CTNNA2: variants seen among roughly 807,000 people sequenced by gnomAD.
CTNNA2 encodes catenin alpha-2.
CTNNA2 carries 42 observed loss-of-function variants against 101.0 expected under a neutral mutation model. That is an observed-to-expected ratio of 0.42 (90% CI 0.32 to 0.54). The LOEUF (loss-of-function observed/expected upper bound fraction) is 0.54. CTNNA2 is among the 20% of genes least tolerant of loss of function. The pLI is 0.14. For synonymous variants in CTNNA2, 450 were observed against 456.4 expected (o/e 0.99, Z 0.18); for missense variants, 871 against 1,223.1 (o/e 0.71, Z 4.29).
intron 7 of CTNNA2, among the ~76,000 whole-genome samples, chr2:79,992,465 GTT>G (rs762402648): frequency 6.6e-6 from 1 of 152,130 alleles, no homozygotes; most frequent in Non-Finnish European, 1.5e-5. Flanking sequence ...AGCAAGTAAT[GTT>G]TTTACAGTTG....
chr2:80,519,941 C>T (rs997243075), intron 9 of CTNNA2, among the ~76,000 whole-genome samples: 20 of 152,164 alleles, frequency 1.3e-4, no homozygotes, highest in Admixed American at 1.2e-3. Flanking sequence ...AGACTGGTCA[C>T]GCCTGTCACA....
chr2:80,252,473 G>A (rs1198614246), intron 7 of CTNNA2, among the ~76,000 whole-genome samples: 3 of 152,242 alleles, frequency 2.0e-5, no homozygotes, highest in African/African-American at 7.2e-5. Flanking sequence ...AGCCTCTTGG[G>A]TTGTCCTGCC....
At chr2:79,941,583 T>C (rs1330328758) in intron 7 of CTNNA2, among the ~76,000 whole-genome samples, 1 of 152,206 alleles carries the variant, frequency 6.6e-6, no homozygotes, top group African/African-American at 2.4e-5. Flanking sequence ...ATATCAGTCT[T>C]TAAACCACAC....
chr2:79,934,062 T>C (rs1687627253), intron 7 of CTNNA2, among the ~76,000 whole-genome samples: 1 of 152,236 alleles, frequency 6.6e-6, no homozygotes, highest in Non-Finnish European at 1.5e-5. Context: ...ACTTTGAATA[T>C]TTTATTTATG....
At chr2:79,728,289 A>C (rs1456123419) in intron 2 of CTNNA2, among the ~76,000 whole-genome samples, 2 of 152,126 alleles carry the variant, frequency 1.3e-5, no homozygotes, top group Non-Finnish European at 2.9e-5. Context: ...GTGAGATGGT[A>C]TCTCATTGTG....
At chr2:80,404,145 A>C (rs568930449) in intron 8 of CTNNA2, among the ~76,000 whole-genome samples, 1 of 152,118 alleles carries the variant, frequency 6.6e-6, no homozygotes, top group Non-Finnish European at 1.5e-5. Flanking sequence ...GTATGTGTCC[A>C]GGAATTTATC....
intron 3 of CTNNA2, among the ~76,000 whole-genome samples, chr2:79,791,727 C>G (rs1675288385): frequency 6.6e-6 from 1 of 152,160 alleles, no homozygotes; most frequent in South Asian, 2.1e-4. Flanking sequence ...CCACAAAGAC[C>G]AAGCCCATGG....
intron 9 of CTNNA2, among the ~76,000 whole-genome samples, chr2:80,533,092 G>T (rs1193651773): frequency 6.6e-6 from 1 of 152,206 alleles, no homozygotes; most frequent in African/African-American, 2.4e-5. Flanking sequence ...TGATAGCTAT[G>T]TGTGTATCTT....
chr2:79,383,926 T>C (rs1403974279), intron 4 of CTNNA2, among the ~76,000 whole-genome samples: 1 of 152,172 alleles, frequency 6.6e-6, no homozygotes, highest in Non-Finnish European at 1.5e-5. Flanking sequence ...ACAACTGTTA[T>C]CTTTGAAAAT....
At chr2:80,170,562 T>C (rs1405990055) in intron 7 of CTNNA2, among the ~76,000 whole-genome samples, 1 of 152,102 alleles carries the variant, frequency 6.6e-6, no homozygotes, top group Non-Finnish European at 1.5e-5. Context: ...CAACCTATTG[T>C]AGTGTTTCAA....
intron 9 of CTNNA2, among the ~76,000 whole-genome samples, chr2:80,495,827 C>T (rs1687410323): frequency 6.6e-6 from 1 of 150,438 alleles, no homozygotes; most frequent in South Asian, 2.1e-4. Context: ...GTAATCCCGG[C>T]TACTTGGGAG....
chr2:80,274,240 G>A (rs1673719939), intron 7 of CTNNA2, among the ~76,000 whole-genome samples: 2 of 152,162 alleles, frequency 1.3e-5, no homozygotes, highest in African/African-American at 4.8e-5. Context: ...GCCTTTGGTT[G>A]TCTGAAGACG....
intron 7 of CTNNA2, among the ~76,000 whole-genome samples, chr2:79,950,927 T>A (rs2104492967): frequency 1.3e-5 from 2 of 152,276 alleles, no homozygotes; most frequent in South Asian, 4.2e-4. Flanking sequence ...AGTCTAAAAG[T>A]TTGAAATCTC....
intron 7 of CTNNA2, among the ~76,000 whole-genome samples, chr2:79,981,314 C>T (rs908706081): frequency 2.0e-5 from 3 of 151,996 alleles, no homozygotes; most frequent in Non-Finnish European, 4.4e-5. Flanking sequence ...AGGATTGATC[C>T]GGTTACCTAC....
intron 12 of CTNNA2, among the ~76,000 whole-genome samples, chr2:80,567,304 TG>T (rs1429376652): frequency 7.2e-5 from 11 of 152,292 alleles, no homozygotes; most frequent in African/African-American, 2.6e-4. Flanking sequence ...TGTTCTTAAG[TG>T]GAACTAAAGG....
intron 3 of CTNNA2, among the ~76,000 whole-genome samples, chr2:79,774,613 G>GGA (rs1290587847): frequency 1.3e-5 from 2 of 152,096 alleles, no homozygotes; most frequent in East Asian, 3.9e-4. Context: ...CAGAGCTGTA[G>GGA]GAAATGGCTC....
chr2:79,994,072 T>C lies in CTNNA2; in HGVS notation c.1056+84275T>C, dbSNP rs532309199. On this transcript the variant is annotated intron_variant, in intron 7 of 18. Coordinates refer to ENST00000402739, the MANE Select transcript of CTNNA2 (RefSeq NM_001282597.3). ...AGAGGTGTGCACCACCACACCTAGC[T>C]ATTTTGGGGTTTTTTTACTTGTGTT... Among the ~76,000 whole-genome samples the C allele has an allele frequency of 1.4e-4, 21 of 152,200 alleles. No individual in the cohort carries two copies. In the East Asian group the frequency reaches 3.5e-3, roughly 25 times the overall value.
chr2:80,564,815 G>C (rs1027350109), intron 12 of CTNNA2, among the ~76,000 whole-genome samples: 1 of 152,122 alleles, frequency 6.6e-6, no homozygotes, highest in African/African-American at 2.4e-5. Context: ...CAGCAAATAG[G>C]GAGCAGATTA....
At chr2:80,533,843 A>C (rs1690753968) in intron 9 of CTNNA2, among the ~76,000 whole-genome samples, 1 of 152,194 alleles carries the variant, frequency 6.6e-6, no homozygotes, top group African/African-American at 2.4e-5. Context: ...AGGGCATTAC[A>C]TTCCCGGCAT....
Sources: gnomAD v4.1 joint callset for allele counts (sites outside exome capture counted in the v4.1 genomes callset) on GRCh38, gnomAD v4.1.1 for gene constraint, MANE v1.5 for transcripts, NCBI Gene and HGNC (gene_info 2026-07-23, HGNC 2026-07-21) for gene names.